The following TMEM63B variants were observed in gnomAD, a reference collection of about 807,000 sequenced individuals.
The protein encoded by TMEM63B is mechanosensitive cation channel TMEM63B.
Under a neutral mutation model 102.6 loss-of-function variants are expected in TMEM63B, and 23 were observed. That is an observed-to-expected ratio of 0.22 (90% CI 0.16 to 0.32). The LOEUF is 0.32. Among genes scored for constraint, TMEM63B ranks in the 10% least tolerant of loss-of-function variants. The probability of loss-of-function intolerance (pLI) is 1.00; values close to 1 mark genes in which losing one functional copy is unlikely to be tolerated. For synonymous variants in TMEM63B, 444 were observed against 437.0 expected, an observed-to-expected ratio of 1.02 and a Z score of -0.20; for missense variants, 628 against 1,095.9, an observed-to-expected ratio of 0.57 and a Z score of 6.03.
Position 44,151,948 on chromosome 6 carries a change from C to G in TMEM63B, c.1776C>G (p.Leu592=), listed in dbSNP as rs778247243. 7 of 1,613,330 alleles carry G rather than the reference C, an allele frequency of 4.3e-6. No homozygotes were observed. Among genetic ancestry groups the G allele is most frequent in the African/African-American group, 1.3e-5 (1 of 74,920 alleles). Residue 592 remains leucine, a synonymous_variant, in exon 19 of 24, where the codon CTC becomes CTG. Coordinates refer to ENST00000323267, the MANE Select transcript of TMEM63B (RefSeq NM_018426.3). ...ACCTGCTGCGCATCCCAGGCCTGCT[C>G]ATGTACATGATCCGGCTCTGCCTGG... ...AMDLLRIPGL[L]MYMIRLCLAR... is the part of the protein sequence containing the mutation.
At position 44,134,629 on chromosome 6, in the gene TMEM63B, C is replaced by T. The variant is rs1466298108; in HGVS notation, c.45C>T (p.Asn15=). 2 of 1,614,052 alleles carry T rather than the reference C, an allele frequency of 1.2e-6. No homozygotes were observed. The highest frequency in any genetic ancestry group is 1.3e-5 in the African/African-American group (1 of 74,958). ...LLATLGTTAL[N]NSNPKDYCYS... is the part of the protein sequence containing the mutation. ...CCACACTGGGCACCACAGCCCTCAACAACAGCAACCCCAAGGACTACTGCT... is the reference window on the plus strand; with the variant it reads ...CCACACTGGGCACCACAGCCCTCAATAACAGCAACCCCAAGGACTACTGCT... The change falls in exon 2 of 24, where the codon AAC becomes AAT. Residue 15 remains asparagine (N), a synonymous_variant. Transcript: ENST00000323267.
intron 6 of TMEM63B, chr6:44,138,965 C>T: frequency 8.0e-6 from 2 of 250,500 alleles, no homozygotes; most frequent in South Asian, 1.1e-4. Context: ...CCCAGGCCTC[C>T]CCCAAGGGTA....
rs3734698 is a variant in TMEM63B, at chr6:44,152,929, C to T, written c.1942+231C>T. 3.7e-3 allele frequency among the ~76,000 whole-genome samples: 569 copies of T among 152,362 alleles called. 31 individuals carry two copies. The East Asian group carries it at 0.1, about 27-fold the overall frequency. ...TGGCATGTGGGCCCCAGGGCAAAGT[C>T]ACACCAACATGGCCATACTTACCCA... On this transcript the variant is annotated intron_variant, in intron 20 of 23. Transcript: ENST00000323267. This position sits in a 1 kb window ranked among gnomAD's most constrained non-coding sequence, Gnocchi z 6.4.
chr6:44,144,734 C>T (rs1764996688), intron 10 of TMEM63B, among the ~76,000 whole-genome samples: 1 of 151,912 alleles, frequency 6.6e-6, no homozygotes, highest in South Asian at 2.1e-4. Context: ...GTAGCTGGAA[C>T]TACAGGCACT....
In TMEM63B at chr6:44,154,838, C is replaced by G. The variant is rs1366513129; in HGVS notation, c.2454C>G (p.Phe818Leu). 6.2e-7 allele frequency: 1 copy of G among 1,608,110 alleles called. No homozygotes were observed. The highest frequency in any genetic ancestry group is 1.7e-5 in the Admixed American group (1 of 59,400). ...CCGACGCCCTCACGGACACAGACTTCCAGTCTTGCGAGGACAGCCTCATAG... is the reference window on the plus strand; with the variant it reads ...CCGACGCCCTCACGGACACAGACTTGCAGTCTTGCGAGGACAGCCTCATAG... ...MPPDALTDTD[F>L]QSCEDSLIEN... is the part of the protein sequence containing the mutation. The change falls in exon 24 of 24, where the codon TTC becomes TTG. Residue 818 changes from phenylalanine (F) to leucine (L), a missense_variant. Transcript: ENST00000323267.
chr6:44,149,272 T>G, intron 15 of TMEM63B: 1 of 418,240 alleles, frequency 2.4e-6, no homozygotes, highest in Non-Finnish European at 4.5e-6. Flanking sequence ...ATCAGTGGCT[T>G]TGGACTTGGA....
intron 10 of TMEM63B, among the ~76,000 whole-genome samples, chr6:44,143,442 G>T (rs905999052): frequency 6.6e-6 from 1 of 152,052 alleles, no homozygotes; most frequent in African/African-American, 2.4e-5. Flanking sequence ...AGGACAGTGT[G>T]TACTCAGAAT....
intron 15 of TMEM63B, 154 bp downstream of exon 15, chr6:44,149,099 T>G (rs976865793): frequency 1.8e-6 from 2 of 1,133,284 alleles, no homozygotes; most frequent in African/African-American, 3.1e-5. Context: ...TGCACTTCCC[T>G]TGGGCTCCCT....
intron 2 of TMEM63B, 54 bp downstream of exon 2, chr6:44,134,797 G>A (rs1762589944): frequency 3.2e-6 from 5 of 1,583,762 alleles, no homozygotes; most frequent in Non-Finnish European, 3.4e-6. Flanking sequence ...TACACACCTG[G>A]CAAACACTTC....
Position 44,135,362 on chromosome 6 carries a change from G to C in TMEM63B, c.274G>C (p.Glu92Gln), listed in dbSNP as rs370367231. ...GCAGGAGAGGGACCGAGTGGAACAG[G>C]AATAGTATGTGGGGCACCAGCCCCC... ...RRQERDRVEQ[E>Q]YVASAMHGDS... Residue 92 changes from glutamate to glutamine, a missense_variant, in exon 4 of 24, where the codon GAA becomes CAA. Glu to Gln is a conservative substitution (Grantham distance 29). Coordinates refer to ENST00000323267, the MANE Select transcript of TMEM63B (RefSeq NM_018426.3). The C allele has an allele frequency of 3.1e-5, 50 of 1,612,186 alleles. No individual in the cohort carries two copies. Among genetic ancestry groups the C allele is most frequent in the Non-Finnish European group, 4.1e-5 (48 of 1,178,936 alleles).
chr6:44,137,310 G>A (rs769122862), intron 5 of TMEM63B, among the ~76,000 whole-genome samples: 1 of 152,186 alleles, frequency 6.6e-6, no homozygotes, highest in Non-Finnish European at 1.5e-5. Flanking sequence ...ATGAGGGTAA[G>A]GAGCCTAGTC....
chr6:44,127,137 T>C, upstream of TMEM63B: 1 of 137,950 alleles, frequency 7.2e-6, no homozygotes. Context: ...GGGAGGAGGA[T>C]CCGGGTAAGG....
At chr6:44,139,912 G>T (rs1308781665) in intron 8 of TMEM63B, among the ~76,000 whole-genome samples, 153 bp downstream of exon 8, 1 of 152,170 alleles carries the variant, frequency 6.6e-6, no homozygotes, top group Non-Finnish European at 1.5e-5. Flanking sequence ...ACAGAAGAGG[G>T]AAATGCCTGC....
intron 18 of TMEM63B, among the ~76,000 whole-genome samples, chr6:44,151,621 T>C (rs1423998534): frequency 6.6e-6 from 1 of 152,120 alleles, no homozygotes; most frequent in Non-Finnish European, 1.5e-5. Flanking sequence ...TCTTGAGCAC[T>C]CTCTCCATGG....
intron 4 of TMEM63B, 137 bp downstream of exon 4, chr6:44,135,503 C>A: frequency 2.6e-6 from 3 of 1,136,858 alleles, no homozygotes; most frequent in Non-Finnish European, 3.7e-6. Context: ...TTCGGATTAA[C>A]GCAGGCGGTG....
intron 1 of TMEM63B, among the ~76,000 whole-genome samples, chr6:44,132,442 G>C (rs754451387): frequency 6.6e-6 from 1 of 152,150 alleles, no homozygotes; most frequent in African/African-American, 2.4e-5. Flanking sequence ...ATTTCATTCT[G>C]ATCTGATGGA....
chr6:44,148,400 C>T lies in TMEM63B; in HGVS notation c.1121+15C>T, dbSNP rs778213996. Reference sequence around the variant, plus strand: ...ATCACCGCCATGTGAGTCCCCAACTCGGCCCTCGGCCCTGAGCAGCCCTCC... The same window carrying T: ...ATCACCGCCATGTGAGTCCCCAACTTGGCCCTCGGCCCTGAGCAGCCCTCC... On this transcript the variant is annotated intron_variant, in intron 13 of 23. Coordinates refer to ENST00000323267, the MANE Select transcript of TMEM63B (RefSeq NM_018426.3). This position sits in a 1 kb window ranked among gnomAD's most constrained non-coding sequence, Gnocchi z 5.1. The T allele has an allele frequency of 3.0e-5, 49 of 1,614,218 alleles. No individual in the cohort carries two copies. Among genetic ancestry groups the T allele is most frequent in the East Asian group, 6.7e-5 (3 of 44,882 alleles).
Position 44,140,619 on chromosome 6 carries a change from A to C in TMEM63B, c.711+259A>C, listed in dbSNP as rs1764038310. Reference sequence around the variant, plus strand: ...CCGTGCTGTGCCCAGCACTTGGGAAAATAGCAGTGGCTGATCCTAGGATAG... The same window carrying C: ...CCGTGCTGTGCCCAGCACTTGGGAACATAGCAGTGGCTGATCCTAGGATAG... On this transcript the variant is annotated intron_variant, in intron 9 of 23. Transcript: ENST00000323267. 8 of 599,954 alleles carry C rather than the reference A, an allele frequency of 1.3e-5. 1 individual carries two copies. In the Admixed American group the frequency reaches 2.0e-4, roughly 15 times the overall value. 37.2% of individuals were successfully genotyped at this position (599,954 alleles called of 1,614,324 possible).
At position 44,148,143 on chromosome 6, in the gene TMEM63B, G is replaced by C. The variant is rs1445877352; in HGVS notation, c.988-109G>C. On this transcript the variant is annotated intron_variant, in intron 12 of 23. Transcript: ENST00000323267. The surrounding 1 kb of genome is among the most constrained non-coding windows in gnomAD (Gnocchi z 5.1). ...GTTTCCAAAAAAAAAAAAATGCTTAGAGGAGCAGTGCCTGGCTTGTAGGAA... is the reference window on the plus strand; with the variant it reads ...GTTTCCAAAAAAAAAAAAATGCTTACAGGAGCAGTGCCTGGCTTGTAGGAA... The C allele has an allele frequency of 2.7e-6, 4 of 1,489,202 alleles. No homozygotes were observed. Among genetic ancestry groups the C allele is most frequent in the Non-Finnish European group, 3.6e-6 (4 of 1,107,894 alleles). 92.2% of individuals were successfully genotyped at this position (1,489,202 alleles called of 1,614,324 possible). A position where few individuals can be genotyped will look rare whatever the true frequency, so the allele number is the denominator to read the frequency against.
Sources: gnomAD v4.1 joint callset for allele counts (sites outside exome capture counted in the v4.1 genomes callset) on GRCh38, gnomAD v4.1.1 for gene constraint, Gnocchi (gnomAD v3.1) non-coding constraint, MANE v1.5 for transcripts, NCBI Gene and HGNC (gene_info 2026-07-23, HGNC 2026-07-21) for gene names.